SPTBN1: variants seen among roughly 807,000 people sequenced by gnomAD.
SPTBN1 encodes spectrin beta chain, non-erythrocytic 1.
SPTBN1 carries 32 observed loss-of-function variants against 266.4 expected under a neutral mutation model. That is an observed-to-expected ratio of 0.12 (90% CI 0.09 to 0.16). The LOEUF is 0.16. Ranked by LOEUF, SPTBN1 falls within the 10% of genes least tolerant of loss-of-function variation. The probability of loss-of-function intolerance (pLI) is 1.00; values close to 1 mark genes in which losing one functional copy is unlikely to be tolerated. For synonymous variants in SPTBN1, 1,336 were observed against 1,162.2 expected (o/e 1.15, Z -3.04); for missense variants, 2,296 against 3,067.1 (o/e 0.75, Z 5.94).
chr2:54,476,560 C>T (rs747313470), intron 1 of SPTBN1, among the ~76,000 whole-genome samples: 2 of 152,214 alleles, frequency 1.3e-5, no homozygotes, highest in Admixed American at 6.5e-5. Context: ...AACAGGCATT[C>T]TGGAGGTGGA....
chr2:54,569,385 T>C (rs1488335306), intron 2 of SPTBN1, among the ~76,000 whole-genome samples: 3 of 152,174 alleles, frequency 2.0e-5, no homozygotes, highest in African/African-American at 4.8e-5. Flanking sequence ...TATATATTTA[T>C]TATGTCACAG....
chr2:54,656,648 C>T (rs17416242), intron 29 of SPTBN1, among the ~76,000 whole-genome samples: 12,459 of 152,248 alleles, frequency 0.082, 647 homozygotes, highest in Non-Finnish European at 0.11. Context: ...GAGTTCTGGG[C>T]TCTGTCCTTA....
intron 1 of SPTBN1, among the ~76,000 whole-genome samples, chr2:54,522,703 G>A (rs1018200877): frequency 6.8e-6 from 1 of 147,830 alleles, no homozygotes; most frequent in Non-Finnish European, 1.5e-5. Flanking sequence ...GAGAGAGAAA[G>A]AAAGAAAGGA....
At chr2:54,565,229 G>A (rs1417577176) in intron 2 of SPTBN1, among the ~76,000 whole-genome samples, 1 of 152,202 alleles carries the variant, frequency 6.6e-6, no homozygotes, top group Non-Finnish European at 1.5e-5. Context: ...AAATTTTGTG[G>A]TGGGGATGGA....
intron 1 of SPTBN1, among the ~76,000 whole-genome samples, chr2:54,494,154 A>G (rs562263626): frequency 5.7e-4 from 87 of 152,102 alleles, no homozygotes; most frequent in African/African-American, 1.8e-3. Flanking sequence ...TAATACAGAC[A>G]TGACTTACTT....
intron 1 of SPTBN1, among the ~76,000 whole-genome samples, chr2:54,464,331 A>G (rs1558747695): frequency 6.6e-6 from 1 of 152,198 alleles, no homozygotes; most frequent in Non-Finnish European, 1.5e-5. Flanking sequence ...GGTGGAATTC[A>G]ATGTAGTGCT....
intron 10 of SPTBN1, 60 bp downstream of exon 10, chr2:54,623,656 C>T: frequency 1.5e-6 from 2 of 1,365,602 alleles, no homozygotes; most frequent in Admixed American, 4.0e-5. Context: ...GGTTCTATCA[C>T]TAGGTCTCGA....
chr2:54,620,743 T>G (rs1000182391), intron 7 of SPTBN1, among the ~76,000 whole-genome samples: 6 of 152,212 alleles, frequency 3.9e-5, no homozygotes, highest in Non-Finnish European at 7.4e-5. Context: ...AGAAGCCTGG[T>G]GAATATTTGA....
intron 2 of SPTBN1, among the ~76,000 whole-genome samples, chr2:54,577,791 G>A (rs13425620): frequency 0.037 from 5,639 of 152,256 alleles, 340 homozygotes; most frequent in African/African-American, 0.12. Flanking sequence ...TGTGCTGCCT[G>A]TTGAGCATTT....
chr2:54,621,617 C>G, intron 8 of SPTBN1, 105 bp downstream of exon 8: 2 of 814,086 alleles, frequency 2.5e-6, no homozygotes, highest in South Asian at 1.6e-5. Context: ...TTGTAGTGGA[C>G]TCTCCGGATG....
At chr2:54,609,319 T>G (rs959403394) in intron 3 of SPTBN1, among the ~76,000 whole-genome samples, 43 of 152,262 alleles carry the variant, frequency 2.8e-4, no homozygotes, top group African/African-American at 1.0e-3. Flanking sequence ...CATGAAAACC[T>G]TCACCCCTCT....
At chr2:54,644,708 C>A in intron 20 of SPTBN1, 122 bp downstream of exon 20, 1 of 1,278,380 alleles carries the variant, frequency 7.8e-7, no homozygotes, top group Non-Finnish European at 1.1e-6. Flanking sequence ...ATTTTTAACC[C>A]AAAATATTAC....
intron 1 of SPTBN1, among the ~76,000 whole-genome samples, chr2:54,495,331 T>A (rs139766095): frequency 5.0e-4 from 76 of 152,302 alleles, no homozygotes; most frequent in East Asian, 3.9e-4. Flanking sequence ...AATCCCAGGT[T>A]CAGAGCTCAA....
At chr2:54,529,852 C>CA (rs61316795) in intron 2 of SPTBN1, 735 of 62,254 alleles carry the variant, frequency 0.012, 30 homozygotes, top group Non-Finnish European at 0.015. Flanking sequence ...CTCTTTTCAC[C>CA]AAAAAAAAAA....
chr2:54,670,958 G>T lies in SPTBN1; in HGVS notation c.*2389G>T, dbSNP rs7586075. On this transcript the variant is annotated 3_prime_UTR_variant, in exon 36 of 36. Coordinates refer to ENST00000356805, the MANE Select transcript of SPTBN1 (RefSeq NM_003128.3). ...AGGGTAAATAGTTTTTGGGTTTTTT[G>T]TTTTTTTTTTATTCTTCCACTATCA... 0.027 allele frequency: 9,474 copies of T among 344,614 alleles called. 661 individuals carry two copies. The highest frequency in any genetic ancestry group is 0.18 in the African/African-American group (8,149 of 45,896). The allele number at this position is 344,614 out of a possible 1,614,324, so 21.3% of individuals were successfully genotyped here. A position where few individuals can be genotyped will look rare whatever the true frequency, so the allele number is the denominator to read the frequency against.
chr2:54,545,862 A>G lies in SPTBN1; in HGVS notation c.148+19296A>G, dbSNP rs1027702774. ...AGCATGCTAACGGGCTGTTGCTACC[A>G]AGGTAAGTTTTGGCATTTTTTTCCT... On this transcript the variant is annotated intron_variant, in intron 2 of 35. Coordinates refer to ENST00000356805, the MANE Select transcript of SPTBN1 (RefSeq NM_003128.3). 2.0e-5 allele frequency among the ~76,000 whole-genome samples: 3 copies of G among 152,260 alleles called. No homozygotes were observed. The East Asian group carries it at 5.8e-4, about 29-fold the overall frequency.
At chr2:54,668,243 C>T in intron 35 of SPTBN1, 108 bp from the exon 36 acceptor site, 1 of 1,022,638 alleles carries the variant, frequency 9.8e-7, no homozygotes, top group Non-Finnish European at 1.5e-6. Flanking sequence ...CCAGAAGTGA[C>T]TCTGCTTACC....
At chr2:54,578,556 T>C (rs114874129) in intron 2 of SPTBN1, among the ~76,000 whole-genome samples, 2 of 152,328 alleles carry the variant, frequency 1.3e-5, no homozygotes, top group Admixed American at 1.3e-4. Context: ...ATAGCAGATA[T>C]AAAAACTGTT....
intron 16 of SPTBN1, 134 bp from the exon 17 acceptor site, chr2:54,632,432 A>G: frequency 1.0e-6 from 1 of 992,108 alleles, no homozygotes; most frequent in Admixed American, 2.5e-5. Context: ...CTAACTTTTA[A>G]TTTGATGTGA....
Sources: allele counts gnomAD v4.1 joint callset (sites outside exome capture counted in the v4.1 genomes callset), GRCh38; gene constraint gnomAD v4.1.1; transcripts MANE v1.5; gene names NCBI Gene and HGNC (gene_info 2026-07-23, HGNC 2026-07-21).